Variants in FAM200A observed in about 807,000 individuals in gnomAD.
The protein encoded by FAM200A is protein FAM200A.
A neutral mutation model predicts 44.2 loss-of-function variants in FAM200A; 26 were observed. The observed-to-expected ratio is 0.59, with a 90% CI of 0.43 to 0.82. The LOEUF is 0.82. Ranked by LOEUF, FAM200A falls within the 40% of genes least tolerant of loss-of-function variation. The pLI is 0.00. For missense variants in FAM200A, 606 were observed against 669.5 expected, an observed-to-expected ratio of 0.91 and a Z score of 1.05; for synonymous variants, 206 against 244.4, an observed-to-expected ratio of 0.84 and a Z score of 1.47.
In FAM200A at chr7:99,548,086, T is replaced by A; in HGVS notation, c.322A>T (p.Ile108Leu). Reference sequence around the variant, plus strand: ...GATATTGTATTATCACTAAGAGGTATAGTTCTTAGTTTATCAGCTGATTTG... The same window carrying A: ...GATATTGTATTATCACTAAGAGGTAAAGTTCTTAGTTTATCAGCTGATTTG... ...DDKSADKLRT[I>L]PLSDNTISRR... Residue 108 changes from isoleucine (I) to leucine (L), a missense_variant, in exon 2 of 2, where the codon ATA becomes TTA. Physicochemically the swap from Ile to Leu is conservative, Grantham distance 5 (BLOSUM62 2). Coordinates refer to ENST00000449309, the MANE Select transcript of FAM200A (RefSeq NM_145111.4). 3 of 1,551,684 alleles carry A rather than the reference T, an allele frequency of 1.9e-6. No homozygotes were observed. Among genetic ancestry groups the A allele is most frequent in the Non-Finnish European group, 1.7e-6 (2 of 1,146,994 alleles).
chr7:99,547,286 A>G lies in FAM200A; in HGVS notation c.1122T>C (p.His374=), dbSNP rs1403712949. The change falls in exon 2 of 2, where the codon CAT becomes CAC. Residue 374 remains histidine (H), a synonymous_variant. Coordinates refer to ENST00000449309, the MANE Select transcript of FAM200A (RefSeq NM_145111.4). The part of the protein sequence containing the change: ...KNNDIFQYLE[H]ILGFQKTLLL... ...ATAACGTCTTTTGGAATCCTAGAAT[A>G]TGTTCAAGATACTGAAATATATCAT... is the stretch of plus-strand genomic sequence containing the variant. 1 of 1,551,330 alleles carries G rather than the reference A, an allele frequency of 6.4e-7. No homozygotes were observed. Among genetic ancestry groups the G allele is most frequent in the East Asian group, 2.4e-5 (1 of 40,888 alleles).
upstream of FAM200A, among the ~76,000 whole-genome samples, chr7:99,556,552 C>T (rs1379265538): frequency 6.6e-6 from 1 of 152,056 alleles, no homozygotes; most frequent in Non-Finnish European, 1.5e-5. Flanking sequence ...TCTGGACTTT[C>T]TGTTCTGCTC....
chr7:99,551,897 G>C lies in FAM200A; in HGVS notation c.-143C>G. On this transcript the variant is annotated 5_prime_UTR_variant, in exon 1 of 2. Coordinates refer to ENST00000449309, the MANE Select transcript of FAM200A (RefSeq NM_145111.4). ...CTGCTGGGGGACAGCGCTTGCCACC[G>C]CCGAGGCTGGCGCGAGGAACGGGGG... 9.1e-6 allele frequency: 9 copies of C among 985,544 alleles called. No homozygotes were observed. Among genetic ancestry groups the C allele is most frequent in the Non-Finnish European group, 9.6e-6 (8 of 830,030 alleles). 61.0% of individuals were successfully genotyped at this position (985,544 alleles called of 1,614,324 possible).
intron 1 of FAM200A, among the ~76,000 whole-genome samples, chr7:99,549,755 T>A (rs981701669): frequency 2.0e-5 from 3 of 152,212 alleles, no homozygotes; most frequent in African/African-American, 7.2e-5. Context: ...TGTAGGGACA[T>A]GGATGAAGTT....
rs1290640057 is a variant in FAM200A at position 99,548,082 on chromosome 7, G to A, written c.326C>T (p.Pro109Leu). Residue 109 changes from proline (P) to leucine (L), a missense_variant, in exon 2 of 2, where the codon CCT becomes CTT. Transcript: ENST00000449309. ...ACGAGATATTGTATTATCACTAAGA[G>A]GTATAGTTCTTAGTTTATCAGCTGA... ...DKSADKLRTI[P>L]LSDNTISRRI... The A allele has an allele frequency of 1.3e-6, 2 of 1,551,464 alleles. No homozygotes were observed. The highest frequency in any genetic ancestry group is 2.7e-5 in the African/African-American group (2 of 73,020).
chr7:99,546,908 A>AAT lies in FAM200A; in HGVS notation c.1498_1499dup (p.Lys501LeufsTer10). 6.5e-7 allele frequency: 1 copy of AAT among 1,549,164 alleles called. No homozygotes were observed. The highest frequency in any genetic ancestry group is 1.2e-5 in the South Asian group (1 of 83,184). On this transcript the variant is annotated frameshift_variant, in exon 2 of 2. Coordinates refer to ENST00000449309, the MANE Select transcript of FAM200A (RefSeq NM_145111.4). LOFTEE classifies it high-confidence loss of function. ...GCAGTGGAAAGTCATCTTTAATCTTAATCCAAAATGCTGATAAACTTAATA... is the reference window on the plus strand; with the variant it reads ...GCAGTGGAAAGTCATCTTTAATCTTAATATCCAAAATGCTGATAAACTTAATA...
upstream of FAM200A, among the ~76,000 whole-genome samples, chr7:99,555,698 C>G (rs986750595): frequency 6.6e-6 from 1 of 152,110 alleles, no homozygotes; most frequent in African/African-American, 2.4e-5. Flanking sequence ...TGCTTGAGGT[C>G]AGGAGTTCAA....
upstream of FAM200A, among the ~76,000 whole-genome samples, chr7:99,553,042 TAC>T (rs1389470524): frequency 6.1e-5 from 8 of 130,286 alleles, no homozygotes; most frequent in East Asian, 4.4e-4. Flanking sequence ...TATATATATA[TAC>T]ACACACATAT....
Position 99,547,702 on chromosome 7 carries a change from C to G in FAM200A, c.706G>C (p.Ala236Pro), listed in dbSNP as rs1415337563. 5.8e-6 allele frequency: 9 copies of G among 1,551,398 alleles called. No individual in the cohort carries two copies. The highest frequency in any genetic ancestry group is 2.4e-5 in the East Asian group (1 of 40,920). ...EKLLEATHNN[A>P]VWNHCFIHRE... ...TGAATAAAACAGTGATTCCAAACAG[C>G]ATTGTTGTGGGTTGCTTCTAACAAT... The change falls in exon 2 of 2, where the codon GCT becomes CCT. Residue 236 changes from alanine to proline, a missense_variant. Physicochemically the swap from Ala to Pro is conservative, Grantham distance 27. Transcript: ENST00000449309.
intron 1 of FAM200A, among the ~76,000 whole-genome samples, chr7:99,549,188 A>G (rs202023577): frequency 1.5e-5 from 2 of 131,654 alleles, no homozygotes; most frequent in Non-Finnish European, 3.1e-5. Context: ...AAAAATAAGA[A>G]ATTAAGCTGC....
Position 99,551,914 on chromosome 7 carries a change from G to A in FAM200A, c.-160C>T, listed in dbSNP as rs868207158. The A allele has an allele frequency of 1.0e-6, 1 of 985,542 alleles. No homozygotes were observed. The allele number at this position is 985,542 out of a possible 1,614,324, so 61.0% of individuals were successfully genotyped here. A position where few individuals can be genotyped will look rare whatever the true frequency, so the allele number is the denominator to read the frequency against. On this transcript the variant is annotated 5_prime_UTR_variant, in exon 1 of 2. Coordinates refer to ENST00000449309, the MANE Select transcript of FAM200A (RefSeq NM_145111.4). ...TTGCCACCGCCGAGGCTGGCGCGAG[G>A]AACGGGGGCACGGACCCGCTTCCAC...
chr7:99,552,083 C>T lies in FAM200A; in HGVS notation c.-329G>A, dbSNP rs1802549044. 6.1e-6 allele frequency: 6 copies of T among 985,490 alleles called. No individual in the cohort carries two copies. The highest frequency in any genetic ancestry group is 6.0e-6 in the Non-Finnish European group (5 of 829,950). 61.0% of individuals were successfully genotyped at this position (985,490 alleles called of 1,614,324 possible). A position where few individuals can be genotyped will look rare whatever the true frequency, so the allele number is the denominator to read the frequency against. Reference sequence around the variant, plus strand: ...GGAGCACTAGACTCACATCCAAGCCCCCTGGCCTTCAGAGCCCAGGGAAAG... The same window carrying T: ...GGAGCACTAGACTCACATCCAAGCCTCCTGGCCTTCAGAGCCCAGGGAAAG... On this transcript the variant is annotated 5_prime_UTR_variant, in exon 1 of 2. Coordinates refer to ENST00000449309, the MANE Select transcript of FAM200A (RefSeq NM_145111.4).
upstream of FAM200A, among the ~76,000 whole-genome samples, chr7:99,555,478 G>T (rs1802659300): frequency 6.6e-6 from 1 of 152,140 alleles, no homozygotes. Flanking sequence ...GCACACGAAT[G>T]CACACTCTTA....
At chr7:99,551,783 C>T (rs1020176729) in intron 1 of FAM200A, 71 bp downstream of exon 1, 4 of 979,938 alleles carry the variant, frequency 4.1e-6, no homozygotes, top group Non-Finnish European at 4.8e-6. Flanking sequence ...CCAGAAGGGA[C>T]ACGCAGACCG....
chr7:99,553,096 TA>T (rs1363265909), upstream of FAM200A, among the ~76,000 whole-genome samples: 396 of 79,028 alleles, frequency 5.0e-3, 5 homozygotes, highest in South Asian at 0.029. Flanking sequence ...TATATATATA[TA>T]TATTTTTTTT....
intron 1 of FAM200A, among the ~76,000 whole-genome samples, chr7:99,549,921 G>A (rs538050057): frequency 3.3e-5 from 5 of 152,070 alleles, no homozygotes; most frequent in Admixed American, 6.6e-5. Context: ...AGTGGGGAGG[G>A]ATAGCATTAG....
chr7:99,549,980 A>G (rs1484294446), intron 1 of FAM200A, among the ~76,000 whole-genome samples: 5 of 152,122 alleles, frequency 3.3e-5, no homozygotes, highest in Non-Finnish European at 5.9e-5. Context: ...GCACACCAAC[A>G]TGGCACATGT....
At chr7:99,558,146 ATCCCACAACTTAGTGGG>A (rs1478660457) in intron 1 of FAM200A, among the ~76,000 whole-genome samples, 1 of 151,842 alleles carries the variant, frequency 6.6e-6, no homozygotes, top group Non-Finnish European at 1.5e-5. Context: ...TGAGATTTCG[ATCCCACAACTTAGTGGG>A]TCCCATCTCA....
chr7:99,548,345 G>A lies in FAM200A; in HGVS notation c.63C>T (p.Gly21=), dbSNP rs781425399. 1 of 1,614,024 alleles carries A rather than the reference G, an allele frequency of 6.2e-7. No individual in the cohort carries two copies. Among genetic ancestry groups the A allele is most frequent in the Non-Finnish European group, 8.5e-7 (1 of 1,180,016 alleles). The change falls in exon 2 of 2, where the codon GGC becomes GGT. Residue 21 remains glycine, a synonymous_variant. Coordinates refer to ENST00000449309, the MANE Select transcript of FAM200A (RefSeq NM_145111.4). ...CCTCCTCCACCTTCACTATCACGATGCCTTCCATCTCCTGGGTACCCCCTG... is the reference window on the plus strand; with the variant it reads ...CCTCCTCCACCTTCACTATCACGATACCTTCCATCTCCTGGGTACCCCCTG... ...LSPGGTQEME[G]IVIVKVEEED...
Sources: gnomAD v4.1 joint callset for allele counts (sites outside exome capture counted in the v4.1 genomes callset) on GRCh38, gnomAD v4.1.1 for gene constraint, MANE v1.5 for transcripts, NCBI Gene and HGNC (gene_info 2026-07-23, HGNC 2026-07-21) for gene names.